Variants in CSNK1G3 observed in about 807,000 individuals in gnomAD.
The protein encoded by CSNK1G3 is casein kinase 1 gamma 3.
Under a neutral mutation model 64.3 loss-of-function variants are expected in CSNK1G3, and 23 were observed. The ratio of observed to expected loss-of-function variants is 0.36; its 90% CI spans 0.26 to 0.51. CSNK1G3 has a LOEUF of 0.51. Among genes scored for constraint, CSNK1G3 ranks in the 20% least tolerant of loss-of-function variants. The pLI is 0.96. For synonymous variants in CSNK1G3, 158 were observed against 162.2 expected, an observed-to-expected ratio of 0.97 and a Z score of 0.20; for missense variants, 357 against 510.5, an observed-to-expected ratio of 0.70 and a Z score of 2.90.
At chr5:123,596,927 T>C (rs960879993) in intron 10 of CSNK1G3, among the ~76,000 whole-genome samples, 1 of 152,166 alleles carries the variant, frequency 6.6e-6, no homozygotes, top group African/African-American at 2.4e-5. Flanking sequence ...AATTCATTTA[T>C]AATTTATGTC....
intron 2 of CSNK1G3, among the ~76,000 whole-genome samples, chr5:123,552,699 A>G (rs1159361772): frequency 1.3e-5 from 2 of 152,210 alleles, no homozygotes; most frequent in African/African-American, 4.8e-5. Flanking sequence ...ATTACATCTC[A>G]TAATAATGAT....
At chr5:123,611,593 C>T (rs1679511333) in intron 12 of CSNK1G3, among the ~76,000 whole-genome samples, 2 of 152,150 alleles carry the variant, frequency 1.3e-5, no homozygotes, top group Admixed American at 6.5e-5. Context: ...ATTGCTGATA[C>T]AAGTGTAGAA....
Position 123,591,312 on chromosome 5 carries a change from A to T in CSNK1G3, c.991-7A>T. 2 of 1,572,828 alleles carry T rather than the reference A, an allele frequency of 1.3e-6. No homozygotes were observed. Among genetic ancestry groups the T allele is most frequent in the Non-Finnish European group, 1.7e-6 (2 of 1,152,178 alleles). ...ATGTATTGATACCAATTGTTATTGTATTGTAGCCTACTCCAGTGGGTGCAG... is the reference window on the plus strand; with the variant it reads ...ATGTATTGATACCAATTGTTATTGTTTTGTAGCCTACTCCAGTGGGTGCAG... On this transcript the variant is annotated splice_region_variant and splice_polypyrimidine_tract_variant and intron_variant, in intron 9 of 12. Transcript: ENST00000345990.
chr5:123,590,397 A>G lies in CSNK1G3; in HGVS notation c.845-16A>G, dbSNP rs981176494. 9.0e-6 allele frequency: 12 copies of G among 1,327,352 alleles called. No individual in the cohort carries two copies. Among genetic ancestry groups the G allele is most frequent in the South Asian group, 1.7e-5 (1 of 60,162 alleles). 82.2% of individuals were successfully genotyped at this position (1,327,352 alleles called of 1,614,324 possible). On this transcript the variant is annotated splice_polypyrimidine_tract_variant and intron_variant, in intron 8 of 12. Coordinates refer to ENST00000345990, the Ensembl canonical transcript of CSNK1G3. ...GAAAAGTATAGTCCAAATAATTTTT[A>G]TATTATTTCTAGAAGAAATGGCAAC...
intron 3 of CSNK1G3, among the ~76,000 whole-genome samples, chr5:123,554,663 T>A (rs1043045585): frequency 6.6e-6 from 1 of 152,228 alleles, no homozygotes; most frequent in Non-Finnish European, 1.5e-5. Flanking sequence ...GACTTTCATT[T>A]CTTTGAAATT....
At chr5:123,566,759 T>C (rs1299959655) in intron 4 of CSNK1G3, among the ~76,000 whole-genome samples, 1 of 152,218 alleles carries the variant, frequency 6.6e-6, no homozygotes, top group African/African-American at 2.4e-5. Context: ...AGTTTTTCTT[T>C]GTGGTCCTAG....
intron 2 of CSNK1G3, among the ~76,000 whole-genome samples, chr5:123,549,906 A>T (rs967690100): frequency 6.6e-6 from 1 of 152,232 alleles, no homozygotes; most frequent in African/African-American, 2.4e-5. Flanking sequence ...TAAGTATGCC[A>T]CAGGAGCTTC....
chr5:123,536,670 A>G (rs1489162940), intron 1 of CSNK1G3, among the ~76,000 whole-genome samples: 1 of 152,068 alleles, frequency 6.6e-6, no homozygotes, highest in Non-Finnish European at 1.5e-5. Context: ...TACCCCATAA[A>G]TATGTACAAT....
chr5:123,595,091 T>G, intron 10 of CSNK1G3: 2 of 1,613,754 alleles, frequency 1.2e-6, no homozygotes, highest in Non-Finnish European at 1.7e-6. Context: ...CCCCACCATT[T>G]GAGAGCTCAC....
chr5:123,575,710 C>T lies in CSNK1G3; in HGVS notation c.439-19C>T, dbSNP rs535795592. The T allele has an allele frequency of 3.9e-6, 6 of 1,550,068 alleles. No homozygotes were observed. In the South Asian group the frequency reaches 4.5e-5, roughly 12 times the overall value. On this transcript the variant is annotated intron_variant, in intron 5 of 12. Coordinates refer to ENST00000345990, the Ensembl canonical transcript of CSNK1G3. ...CAAAGCCCAAAATAAAACTTCTCTT[C>T]TTTTTTTCTTAAACCAAGATTTCTC...
chr5:123,577,382 T>A (rs751145336), intron 6 of CSNK1G3, among the ~76,000 whole-genome samples: 34 of 152,042 alleles, frequency 2.2e-4, no homozygotes, highest in Non-Finnish European at 4.3e-4. Flanking sequence ...CATACACACA[T>A]AGAAATATGC....
rs1418392707 is a variant in CSNK1G3, at chr5:123,568,991, A to G, written c.290-4402A>G. The stretch of plus-strand genomic sequence containing the variant: ...ACGACATTTAAGAATGTATTCCAGT[A>G]TCAAACAGCAATTTGCAACAATGCA... On this transcript the variant is annotated intron_variant, in intron 4 of 12. Coordinates refer to ENST00000345990, the Ensembl canonical transcript of CSNK1G3. Among the ~76,000 whole-genome samples, 8 of 152,374 alleles carry G rather than the reference A, an allele frequency of 5.3e-5. No individual in the cohort carries two copies. In the East Asian group the frequency reaches 1.5e-3, roughly 29 times the overall value.
chr5:123,564,198 A>C (rs1786360792), intron 4 of CSNK1G3, among the ~76,000 whole-genome samples: 1 of 152,044 alleles, frequency 6.6e-6, no homozygotes, highest in Non-Finnish European at 1.5e-5. Context: ...GAATGGGTAC[A>C]TTTAAAGAAT....
intron 1 of CSNK1G3, among the ~76,000 whole-genome samples, chr5:123,526,840 T>TTGTGTG (rs34275675): frequency 0.038 from 4,816 of 126,660 alleles, 99 homozygotes; most frequent in Non-Finnish European, 0.046. Context: ...CATGTACAGA[T>TTGTGTG]TGTGTGTGTG....
At chr5:123,558,415 C>T (rs1785031690) in intron 4 of CSNK1G3, among the ~76,000 whole-genome samples, 1 of 152,104 alleles carries the variant, frequency 6.6e-6, no homozygotes, top group Non-Finnish European at 1.5e-5. Flanking sequence ...TACTTCTATT[C>T]AATTAATTGT....
intron 10 of CSNK1G3, 26 bp from the exon 12 acceptor site, chr5:123,604,698 A>G: frequency 1.5e-6 from 2 of 1,361,918 alleles, no homozygotes; most frequent in Non-Finnish European, 1.0e-6. Context: ...ACATATACAT[A>G]TATAAAAAAT....
chr5:123,564,540 G>C (rs895004033), intron 4 of CSNK1G3, among the ~76,000 whole-genome samples: 3 of 152,052 alleles, frequency 2.0e-5, no homozygotes, highest in African/African-American at 7.2e-5. Flanking sequence ...GGACTAGGGG[G>C]AAGAATCATA....
chr5:123,536,287 CT>C (rs1780787620), intron 1 of CSNK1G3, among the ~76,000 whole-genome samples: 1 of 151,996 alleles, frequency 6.6e-6, no homozygotes, highest in East Asian at 1.9e-4. Context: ...CATTGTAATA[CT>C]GGAATTCTTA....
At chr5:123,563,304 A>G (rs533919429) in intron 4 of CSNK1G3, among the ~76,000 whole-genome samples, 4 of 152,040 alleles carry the variant, frequency 2.6e-5, no homozygotes, top group African/African-American at 9.6e-5. Context: ...GATTCCTTGG[A>G]CTATGTAGTT....
Sources: allele counts gnomAD v4.1 joint callset (sites outside exome capture counted in the v4.1 genomes callset), GRCh38; gene constraint gnomAD v4.1.1; transcripts MANE v1.5; gene names NCBI Gene and HGNC (gene_info 2026-07-23, HGNC 2026-07-21).